Variants in PRKN observed in about 807,000 individuals in gnomAD.
PRKN encodes the protein parkin RBR E3 ubiquitin protein ligase.
In PRKN, 56 loss-of-function variants were observed where a neutral mutation model predicts 59.5. The ratio of observed to expected loss-of-function variants is 0.94; its 90% CI spans 0.76 to 1.18. The LOEUF (loss-of-function observed/expected upper bound fraction) is 1.18, where lower values mean the gene tolerates loss of function less well. Ranked by LOEUF, PRKN falls within the 50% of genes most tolerant of loss-of-function variation. The pLI, the probability that PRKN is intolerant of heterozygous loss-of-function variation, is 0.00. For synonymous variants in PRKN, 250 were observed against 222.1 expected (o/e 1.13, Z -1.12); for missense variants, 657 against 596.4 (o/e 1.10, Z -1.06).
intron 2 of PRKN, among the ~76,000 whole-genome samples, chr6:162,423,681 G>A (rs1193878068): frequency 6.6e-6 from 1 of 152,104 alleles, no homozygotes; most frequent in Non-Finnish European, 1.5e-5. Flanking sequence ...CTAATTCTAG[G>A]AACTGGTCGT....
chr6:162,293,765 T>A (rs1781541716), intron 2 of PRKN, among the ~76,000 whole-genome samples: 1 of 152,088 alleles, frequency 6.6e-6, no homozygotes, highest in Non-Finnish European at 1.5e-5. Context: ...AAGGACCAGA[T>A]GTGGGCAGGT....
chr6:161,565,778 G>A (rs569402636), intron 8 of PRKN, among the ~76,000 whole-genome samples: 2 of 152,074 alleles, frequency 1.3e-5, no homozygotes, highest in East Asian at 1.9e-4. Context: ...ACTCTTCCCC[G>A]ATCTGTACTC....
chr6:162,390,067 G>T (rs1250631578), intron 2 of PRKN, among the ~76,000 whole-genome samples: 1 of 152,046 alleles, frequency 6.6e-6, no homozygotes, highest in Non-Finnish European at 1.5e-5. Flanking sequence ...ACCTAATAAT[G>T]TTGGATTAAC....
chr6:161,936,321 G>A (rs1310613456), intron 6 of PRKN, among the ~76,000 whole-genome samples: 1 of 150,144 alleles, frequency 6.7e-6, no homozygotes. Flanking sequence ...CGATTCTTCT[G>A]CCTCAGTCTC....
In PRKN at chr6:161,533,824, C is replaced by T. The variant is rs1779311796; in HGVS notation, c.1083+15030G>A. 6.6e-6 allele frequency among the ~76,000 whole-genome samples: 1 copy of T among 151,812 alleles called. No homozygotes were observed. The highest frequency in any genetic ancestry group is 1.5e-5 in the Non-Finnish European group (1 of 67,994). On this transcript the variant is annotated intron_variant, in intron 9 of 11. Coordinates refer to ENST00000366898, the MANE Select transcript of PRKN (RefSeq NM_004562.3). This position sits in a 1 kb window ranked among gnomAD's most constrained non-coding sequence, Gnocchi z 4.1. ...GTGTCTGTGTACTTAATTTTCTTGG[C>T]GTGAGATAAGGAACCCTGGGGATTT...
rs112737098 is a variant in PRKN, at chr6:161,942,577, T to C, written c.734+30725A>G. On this transcript the variant is annotated intron_variant, in intron 6 of 11. Transcript: ENST00000366898. Reference sequence around the variant, plus strand: ...AAAATAATTCCACTCAGCAAGATTTTGTTGTTGGATACTTCCTTTTGTTCC... The same window carrying C: ...AAAATAATTCCACTCAGCAAGATTTCGTTGTTGGATACTTCCTTTTGTTCC... Among the ~76,000 whole-genome samples the C allele has an allele frequency of 2.9e-3, 440 of 152,280 alleles. 1 individual carries two copies. The highest frequency in any genetic ancestry group is 0.01 in the African/African-American group (426 of 41,558).
chr6:162,555,981 C>CAAAAAAAAAAAAAAAAAAAAAAAAAAA (rs772336975), intron 1 of PRKN, among the ~76,000 whole-genome samples: 1 of 90,384 alleles, frequency 1.1e-5, no homozygotes, highest in Non-Finnish European at 2.1e-5. Context: ...AACTCCATCT[C>CAAAAAAAAAAAAAAAAAAAAAAAAAAA]AAAAAAAAAA....
At chr6:162,403,155 C>G (rs985376068) in intron 2 of PRKN, among the ~76,000 whole-genome samples, 1 of 152,152 alleles carries the variant, frequency 6.6e-6, no homozygotes, top group African/African-American at 2.4e-5. Flanking sequence ...TGTCCATGAA[C>G]GTGAAATTCT....
chr6:162,594,216 T>A, intron 1 of PRKN, among the ~76,000 whole-genome samples: 1 of 152,134 alleles, frequency 6.6e-6, no homozygotes. Context: ...AAATTCTTCA[T>A]GAAACAATTC....
chr6:162,468,234 C>G (rs750963224), intron 1 of PRKN, among the ~76,000 whole-genome samples: 1 of 152,206 alleles, frequency 6.6e-6, no homozygotes, highest in East Asian at 1.9e-4. Context: ...GGTGGCATCC[C>G]TCGTCTCACT....
chr6:162,050,357 T>C (rs1258748846), intron 5 of PRKN, among the ~76,000 whole-genome samples: 2 of 152,202 alleles, frequency 1.3e-5, no homozygotes, highest in Admixed American at 1.3e-4. Flanking sequence ...TCATTGTCTT[T>C]CACATTTCAG....
At chr6:162,370,250 C>T (rs936239087) in intron 2 of PRKN, among the ~76,000 whole-genome samples, 3 of 152,066 alleles carry the variant, frequency 2.0e-5, no homozygotes, top group Non-Finnish European at 4.4e-5. Flanking sequence ...GTGGGATCAC[C>T]TGGCAGATGA....
At chr6:161,970,145 C>T (rs560809838) in intron 6 of PRKN, among the ~76,000 whole-genome samples, 20 of 152,138 alleles carry the variant, frequency 1.3e-4, no homozygotes, top group African/African-American at 3.1e-4. Flanking sequence ...AGGCTCAAGC[C>T]GTTCTCCTGC....
intron 1 of PRKN, among the ~76,000 whole-genome samples, chr6:162,726,343 C>CT (rs1779186020): frequency 6.6e-6 from 1 of 152,212 alleles, no homozygotes; most frequent in African/African-American, 2.4e-5. Flanking sequence ...ATCTCTTCTA[C>CT]TTGGTTTTCT....
At chr6:161,660,907 C>CA (rs199553592) in intron 7 of PRKN, among the ~76,000 whole-genome samples, 2,762 of 152,262 alleles carry the variant, frequency 0.018, 68 homozygotes, top group African/African-American at 0.063. Flanking sequence ...CTCCCTATCT[C>CA]AGTAAGTGGA....
chr6:161,799,262 G>T (rs1040080063), intron 6 of PRKN, among the ~76,000 whole-genome samples: 9 of 152,172 alleles, frequency 5.9e-5, no homozygotes. Context: ...CTGGCCTGTG[G>T]CTGGTGTTTG....
intron 1 of PRKN, among the ~76,000 whole-genome samples, chr6:162,598,770 T>C (rs1232871028): frequency 6.6e-6 from 1 of 150,548 alleles, no homozygotes; most frequent in East Asian, 2.0e-4. Flanking sequence ...TGAGAATTGC[T>C]TGACCCGTGG....
At chr6:162,075,491 C>G (rs1484384769) in intron 4 of PRKN, among the ~76,000 whole-genome samples, 2 of 152,010 alleles carry the variant, frequency 1.3e-5, no homozygotes, top group Admixed American at 1.3e-4. Flanking sequence ...GGGAAAGGTA[C>G]AAATCACATC....
At chr6:162,413,472 T>C (rs1286768500) in intron 2 of PRKN, among the ~76,000 whole-genome samples, 1 of 152,182 alleles carries the variant, frequency 6.6e-6, no homozygotes, top group Non-Finnish European at 1.5e-5. Context: ...CCTCAGATAG[T>C]AACTAATTAG....
Sources: gnomAD v4.1 joint callset for allele counts (sites outside exome capture counted in the v4.1 genomes callset) on GRCh38, gnomAD v4.1.1 for gene constraint, Gnocchi (gnomAD v3.1) non-coding constraint, MANE v1.5 for transcripts, NCBI Gene and HGNC (gene_info 2026-07-23, HGNC 2026-07-21) for gene names.